The following TASOR variants were observed in gnomAD, a reference collection of about 807,000 sequenced individuals.
The protein encoded by TASOR is transcription activation suppressor.
In TASOR, 53 loss-of-function variants were observed where a neutral mutation model predicts 178.6. That is an observed-to-expected ratio of 0.30 (90% confidence interval 0.24 to 0.37). The LOEUF (loss-of-function observed/expected upper bound fraction) is 0.37. Among genes scored for constraint, TASOR ranks in the 10% least tolerant of loss-of-function variants. TASOR has a pLI of 1.00. For synonymous variants in TASOR, 713 were observed against 696.2 expected (o/e 1.02, Z -0.38); for missense variants, 1,815 against 1,971.4 (o/e 0.92, Z 1.50).
In TASOR at chr3:56,683,128, T is replaced by C; in HGVS notation, c.-122A>G. ...CAGCCCACCCACCCCCTTCCCCCCG[T>C]GGCCTCAGGCTGCGCTCCCGACCTG... On this transcript the variant is annotated 5_prime_UTR_variant, in exon 1 of 24. Transcript: ENST00000683822. 8.5e-7 allele frequency: 1 copy of C among 1,182,164 alleles called. No individual in the cohort carries two copies. The highest frequency in any genetic ancestry group is 1.6e-5 in the South Asian group (1 of 61,016). The allele number at this position is 1,182,164 out of a possible 1,614,324, so 73.2% of individuals were successfully genotyped here. A position where few individuals can be genotyped will look rare whatever the true frequency, so the allele number is the denominator to read the frequency against.
intron 18 of TASOR, among the ~76,000 whole-genome samples, chr3:56,631,863 G>A (rs1166278674): frequency 6.6e-6 from 1 of 152,102 alleles, no homozygotes; most frequent in Non-Finnish European, 1.5e-5. Flanking sequence ...GATTACAGGC[G>A]TGAGCCACCA....
chr3:56,643,154 C>T (rs9883842), intron 14 of TASOR, among the ~76,000 whole-genome samples: 25,793 of 148,698 alleles, frequency 0.17, 2,774 homozygotes, highest in South Asian at 0.35. Flanking sequence ...ATCCCAGCTA[C>T]TCGGAAGGCT....
rs955816938 is a variant in TASOR, at chr3:56,682,863, G to T, written c.144C>A (p.Ile48=). The T allele has an allele frequency of 1.3e-5, 20 of 1,549,868 alleles. No individual in the cohort carries two copies. Among genetic ancestry groups the T allele is most frequent in the Non-Finnish European group, 1.7e-5 (20 of 1,146,410 alleles). Residue 48 remains isoleucine, a synonymous_variant, in exon 1 of 24, where the codon ATC becomes ATA. Coordinates refer to ENST00000683822, the MANE Select transcript of TASOR (RefSeq NM_001365635.2). ...GCCCAGCGCCGCCGCTGGGCTCAGC[G>T]ATGTTGAGGCCGCCGCCGCCGCCAT... ...QQNGGGGGLN[I]AEPSGGAGRE...
intron 1 of TASOR, among the ~76,000 whole-genome samples, chr3:56,680,942 A>T (rs895407849): frequency 5.9e-5 from 9 of 152,096 alleles, no homozygotes; most frequent in Non-Finnish European, 1.5e-5. Context: ...TGTTCAGCTG[A>T]AGTCTATTTT....
intron 6 of TASOR, among the ~76,000 whole-genome samples, chr3:56,668,072 G>T (rs896649872): frequency 6.6e-6 from 1 of 152,132 alleles, no homozygotes; most frequent in Non-Finnish European, 1.5e-5. Context: ...TCTAGGCCAG[G>T]AAATGCCAAG....
chr3:56,621,341 G>T lies in TASOR; in HGVS notation c.*1696C>A. The T allele has an allele frequency of 2.5e-6, 1 of 393,210 alleles. No homozygotes were observed. The highest frequency in any genetic ancestry group is 4.6e-6 in the Non-Finnish European group (1 of 218,998). 24.4% of individuals were successfully genotyped at this position (393,210 alleles called of 1,614,324 possible). On this transcript the variant is annotated 3_prime_UTR_variant, in exon 24 of 24. Transcript: ENST00000683822. Reference sequence around the variant, plus strand: ...CCTATTGATTTTTATGCTAAAAACAGAATCTTACAAATGTGATAGCTATAT... The same window carrying T: ...CCTATTGATTTTTATGCTAAAAACATAATCTTACAAATGTGATAGCTATAT...
intron 13 of TASOR, 84 bp from the exon 14 acceptor site, chr3:56,647,307 G>C: frequency 8.9e-7 from 1 of 1,123,278 alleles, no homozygotes; most frequent in Non-Finnish European, 1.2e-6. Context: ...TATTGCCAAA[G>C]AAGTATAAAA....
chr3:56,628,767 T>C (rs1007755374), intron 18 of TASOR, 153 bp from the exon 19 acceptor site: 6 of 465,454 alleles, frequency 1.3e-5, no homozygotes, highest in African/African-American at 2.1e-5. Flanking sequence ...ATCAAATCCT[T>C]TTTTTTTTTC....
chr3:56,649,844 G>C (rs983205272), intron 11 of TASOR, among the ~76,000 whole-genome samples: 18 of 152,192 alleles, frequency 1.2e-4, no homozygotes, highest in African/African-American at 4.3e-4. Context: ...AAGGTGAGTT[G>C]TAATGGACAG....
At chr3:56,655,958 C>T (rs1378770093) in intron 11 of TASOR, among the ~76,000 whole-genome samples, 1 of 152,146 alleles carries the variant, frequency 6.6e-6, no homozygotes, top group Admixed American at 6.6e-5. Context: ...ATGACATAGA[C>T]ATTGTGATGC....
At chr3:56,642,471 T>C (rs1046722091) in intron 14 of TASOR, among the ~76,000 whole-genome samples, 9 of 152,094 alleles carry the variant, frequency 5.9e-5, no homozygotes, top group African/African-American at 2.2e-4. Context: ...TGGGGTGGGG[T>C]AGGGATTGGG....
At chr3:56,636,312 A>T (rs1190423966) in intron 17 of TASOR, among the ~76,000 whole-genome samples, 1 of 151,908 alleles carries the variant, frequency 6.6e-6, no homozygotes, top group African/African-American at 2.4e-5. Flanking sequence ...AACAAAACTT[A>T]ATTATTTTGA....
chr3:56,644,025 T>G (rs571071363), intron 14 of TASOR, among the ~76,000 whole-genome samples: 133 of 152,282 alleles, frequency 8.7e-4, no homozygotes, highest in African/African-American at 3.1e-3. Context: ...TACACAGAAT[T>G]AGTTACCAAC....
rs772403931 is a variant in TASOR, at chr3:56,621,364, T to C, written c.*1673A>G. On this transcript the variant is annotated 3_prime_UTR_variant, in exon 24 of 24. Transcript: ENST00000683822. ...CAGAATCTTACAAATGTGATAGCTA[T>C]ATATCCAAATGAGGTGGTCTAGTAC... 3 of 442,224 alleles carry C rather than the reference T, an allele frequency of 6.8e-6. No individual in the cohort carries two copies. Among genetic ancestry groups the C allele is most frequent in the Non-Finnish European group, 1.2e-5 (3 of 246,954 alleles). The allele number at this position is 442,224 out of a possible 1,614,324, so 27.4% of individuals were successfully genotyped here. A position where few individuals can be genotyped will look rare whatever the true frequency, so the allele number is the denominator to read the frequency against.
At chr3:56,624,453 G>C (rs2291499) in intron 23 of TASOR, 26 bp downstream of exon 23, 447,297 of 1,600,214 alleles carry the variant, frequency 0.28, 65,753 homozygotes, top group Admixed American at 0.48. Context: ...CTGCGTTAAA[G>C]AAAATGAAAA....
chr3:56,621,410 T>TTGAA lies in TASOR; in HGVS notation c.*1623_*1626dup. The TTGAA allele has an allele frequency of 1.6e-6, 1 of 628,320 alleles. No homozygotes were observed. The highest frequency in any genetic ancestry group is 2.7e-6 in the Non-Finnish European group (1 of 376,126). The allele number at this position is 628,320 out of a possible 1,614,324, so 38.9% of individuals were successfully genotyped here. On this transcript the variant is annotated 3_prime_UTR_variant, in exon 24 of 24. Transcript: ENST00000683822. ...AGTACAAGCATTTCTGAAAAAATTT[T>TTGAA]TGAATGACAAAATTTTATCCTAAGC...
intron 11 of TASOR, among the ~76,000 whole-genome samples, chr3:56,655,184 A>G (rs1457557103): frequency 6.6e-6 from 1 of 152,254 alleles, no homozygotes; most frequent in Non-Finnish European, 1.5e-5. Context: ...ACTTAATGGT[A>G]AAATGTTATA....
intron 7 of TASOR, 89 bp from the exon 8 acceptor site, chr3:56,663,661 AT>A: frequency 1.7e-6 from 2 of 1,192,408 alleles, no homozygotes; most frequent in Non-Finnish European, 2.1e-6. Flanking sequence ...GCAATTTTTA[AT>A]GGCATACTAC....
chr3:56,682,103 T>C (rs1303866721), intron 1 of TASOR, among the ~76,000 whole-genome samples: 1 of 152,216 alleles, frequency 6.6e-6, no homozygotes, highest in Non-Finnish European at 1.5e-5. Flanking sequence ...GGGAAAAATC[T>C]ACATGGAAAT....
Sources: gnomAD v4.1 joint callset for allele counts (sites outside exome capture counted in the v4.1 genomes callset) on GRCh38, gnomAD v4.1.1 for gene constraint, MANE v1.5 for transcripts, NCBI Gene and HGNC (gene_info 2026-07-23, HGNC 2026-07-21) for gene names.